The following GRAMD1B variants were observed in gnomAD, a reference collection of about 807,000 sequenced individuals.
GRAMD1B encodes protein Aster-B.
Under a neutral mutation model 99.7 loss-of-function variants are expected in GRAMD1B, and 37 were observed. That is an observed-to-expected ratio of 0.37 (90% confidence interval 0.29 to 0.49). GRAMD1B has a LOEUF of 0.49. GRAMD1B is among the 20% of genes least tolerant of loss of function. The pLI, the probability that GRAMD1B is intolerant of heterozygous loss-of-function variation, is 0.98. For missense variants in GRAMD1B, 888 were observed against 1,009.2 expected, an observed-to-expected ratio of 0.88 and a Z score of 1.63; for synonymous variants, 427 against 387.6, an observed-to-expected ratio of 1.10 and a Z score of -1.19.
At chr11:123,569,773 C>T (rs1312915575) in intron 2 of GRAMD1B, among the ~76,000 whole-genome samples, 2 of 152,208 alleles carry the variant, frequency 1.3e-5, no homozygotes, top group Non-Finnish European at 2.9e-5. Flanking sequence ...ACGTGTGTAA[C>T]TGGATAACAG....
chr11:123,540,102 G>A (rs1293442907), intron 2 of GRAMD1B, among the ~76,000 whole-genome samples: 3 of 149,990 alleles, frequency 2.0e-5, no homozygotes, highest in South Asian at 2.1e-4. Flanking sequence ...TAAGGTTTCT[G>A]TCATGTGGGC....
chr11:123,488,865 C>T (rs1938192297), intron 2 of GRAMD1B, among the ~76,000 whole-genome samples: 2 of 152,180 alleles, frequency 1.3e-5, no homozygotes, highest in Non-Finnish European at 2.9e-5. Flanking sequence ...GTCCATGGTG[C>T]ACCCTGGTCA....
rs201398465 is a variant in GRAMD1B at position 123,570,424 on chromosome 11, T to TTC, written c.453-6942_453-6941insCT. On this transcript the variant is annotated intron_variant, in intron 2 of 19. Coordinates refer to ENST00000635736, the MANE Select transcript of GRAMD1B (RefSeq NM_001387025.1). ...GAGTCTTTATTTTTTTTCTTTTCTT[T>TTC]TTTTTTTTTTTTTTTTTGAGATGGA... Among the ~76,000 whole-genome samples the TTC allele has an allele frequency of 3.1e-3, 395 of 128,476 alleles. 1 individual carries two copies. The highest frequency in any genetic ancestry group is 6.3e-3 in the African/African-American group (193 of 30,702). The allele number at this position is 128,476 out of a possible 152,430, so 84.3% of individuals were successfully genotyped here.
intron 1 of GRAMD1B, among the ~76,000 whole-genome samples, chr11:123,415,179 T>C (rs1393887947): frequency 1.5e-5 from 2 of 135,316 alleles, no homozygotes; most frequent in Non-Finnish European, 3.1e-5. Flanking sequence ...CTTGGATCAC[T>C]GCAACCTCCG....
chr11:123,512,179 G>C (rs1255933135), intron 2 of GRAMD1B, among the ~76,000 whole-genome samples: 1 of 152,176 alleles, frequency 6.6e-6, no homozygotes, highest in African/African-American at 2.4e-5. Context: ...ATGAAAGCAG[G>C]CATCTGCAAC....
intron 1 of GRAMD1B, among the ~76,000 whole-genome samples, chr11:123,456,165 A>G (rs1950108858): frequency 6.6e-6 from 1 of 150,972 alleles, no homozygotes; most frequent in Non-Finnish European, 1.5e-5. Context: ...ACAGAGAGAG[A>G]CTGTCTCAAA....
chr11:123,611,327 G>A (rs534181483), intron 14 of GRAMD1B, among the ~76,000 whole-genome samples: 3 of 152,192 alleles, frequency 2.0e-5, no homozygotes, highest in South Asian at 2.1e-4. Flanking sequence ...CCAGCTACTC[G>A]GGAGGCTGAG....
chr11:123,544,488 C>T (rs1290872700), intron 2 of GRAMD1B, among the ~76,000 whole-genome samples: 1 of 152,182 alleles, frequency 6.6e-6, no homozygotes, highest in Non-Finnish European at 1.5e-5. Context: ...TCATATATGT[C>T]TCTCTTGGAG....
chr11:123,374,102 G>A (rs184835805), intron 1 of GRAMD1B, among the ~76,000 whole-genome samples: 516 of 152,268 alleles, frequency 3.4e-3, no homozygotes, highest in Non-Finnish European at 3.7e-3. Context: ...TTCCTGGTCT[G>A]TTCAAATGCT....
At chr11:123,380,113 TC>T in intron 1 of GRAMD1B, among the ~76,000 whole-genome samples, 1 of 152,350 alleles carries the variant, frequency 6.6e-6, no homozygotes, top group South Asian at 2.1e-4. Context: ...AAAACTTTTC[TC>T]CAATTCATCA....
chr11:123,563,138 G>A (rs907691124), intron 2 of GRAMD1B, among the ~76,000 whole-genome samples: 4 of 152,180 alleles, frequency 2.6e-5, no homozygotes, highest in African/African-American at 7.2e-5. Context: ...TGAGAGCCAC[G>A]TGAAAATGTC....
chr11:123,578,349 T>A lies in GRAMD1B; in HGVS notation c.663+772T>A. Reference sequence around the variant, plus strand: ...TTGAATTTGTCTTTTGATTTCTTGTTCTTCCTCTCCTCTTCTTCCCCACCA... The same window carrying A: ...TTGAATTTGTCTTTTGATTTCTTGTACTTCCTCTCCTCTTCTTCCCCACCA... On this transcript the variant is annotated intron_variant, in intron 3 of 19. Transcript: ENST00000635736. 2.2e-6 allele frequency: 3 copies of A among 1,367,140 alleles called. No individual in the cohort carries two copies. The East Asian group carries it at 7.5e-5, about 34-fold the overall frequency. The allele number at this position is 1,367,140 out of a possible 1,614,324, so 84.7% of individuals were successfully genotyped here.
At chr11:123,375,641 T>C (rs925328143) in intron 1 of GRAMD1B, among the ~76,000 whole-genome samples, 13 of 152,136 alleles carry the variant, frequency 8.5e-5, no homozygotes, top group Non-Finnish European at 1.9e-4. Context: ...AAGAGGAAGT[T>C]TGGAGAAGGT....
At chr11:123,489,444 T>C (rs1938290119) in intron 2 of GRAMD1B, among the ~76,000 whole-genome samples, 1 of 152,090 alleles carries the variant, frequency 6.6e-6, no homozygotes, top group South Asian at 2.1e-4. Flanking sequence ...TAAGCAAAGT[T>C]TAAGCAGAAG....
At chr11:123,449,011 T>C (rs1455395058) in intron 1 of GRAMD1B, among the ~76,000 whole-genome samples, 1 of 152,216 alleles carries the variant, frequency 6.6e-6, no homozygotes, top group Non-Finnish European at 1.5e-5. Flanking sequence ...TTTAGTTCCA[T>C]GAATGGGATG....
intron 1 of GRAMD1B, among the ~76,000 whole-genome samples, chr11:123,440,070 T>C (rs1453466929): frequency 1.3e-5 from 2 of 152,070 alleles, no homozygotes; most frequent in East Asian, 3.8e-4. Flanking sequence ...ATTAGGAAAA[T>C]ACAGAAAGGC....
At chr11:123,494,988 C>G (rs1939065843) in intron 2 of GRAMD1B, among the ~76,000 whole-genome samples, 1 of 152,072 alleles carries the variant, frequency 6.6e-6, no homozygotes, top group Non-Finnish European at 1.5e-5. Flanking sequence ...CGGGAGAGCT[C>G]TTTACTACTC....
At chr11:123,590,853 T>C (rs1950573086) in intron 4 of GRAMD1B, among the ~76,000 whole-genome samples, 2 of 152,118 alleles carry the variant, frequency 1.3e-5, no homozygotes, top group Non-Finnish European at 1.5e-5. Flanking sequence ...TTCGGTTCCT[T>C]TGCTGGAGTT....
chr11:123,410,099 C>T (rs536581869), intron 1 of GRAMD1B, among the ~76,000 whole-genome samples: 6 of 152,046 alleles, frequency 3.9e-5, no homozygotes, highest in African/African-American at 1.4e-4. Flanking sequence ...GGCCTGCAGG[C>T]GGCTGAGACT....
Sources: gnomAD v4.1 joint callset for allele counts (sites outside exome capture counted in the v4.1 genomes callset) on GRCh38, gnomAD v4.1.1 for gene constraint, MANE v1.5 for transcripts, NCBI Gene and HGNC (gene_info 2026-07-23, HGNC 2026-07-21) for gene names.